Variants in EXO1 observed in about 807,000 individuals in gnomAD.
EXO1 encodes the protein exonuclease 1.
EXO1 carries 69 observed loss-of-function variants against 84.5 expected under a neutral mutation model. That is an observed-to-expected ratio of 0.82 (90% CI 0.67 to 1.00). The LOEUF (loss-of-function observed/expected upper bound fraction) is 1.00, where lower values mean the gene tolerates loss of function less well. Among genes scored for constraint, EXO1 ranks in the 50% least tolerant of loss-of-function variants. The probability of loss-of-function intolerance (pLI) is 0.00; values close to 1 mark genes in which losing one functional copy is unlikely to be tolerated. For missense variants in EXO1, 1,045 were observed against 1,000.7 expected, an observed-to-expected ratio of 1.04 and a Z score of -0.60; for synonymous variants, 373 against 366.1, an observed-to-expected ratio of 1.02 and a Z score of -0.21.
At chr1:241,855,513 G>T (rs1558123548) in intron 6 of EXO1, among the ~76,000 whole-genome samples, 1 of 152,234 alleles carries the variant, frequency 6.6e-6, no homozygotes, top group South Asian at 2.1e-4. Context: ...AGCCCAGCTG[G>T]CTTCACCCAG....
rs369374399 is a variant in EXO1 at position 241,857,336 on chromosome 1, C to G, written c.406-9C>G. On this transcript the variant is annotated splice_polypyrimidine_tract_variant and intron_variant, in intron 6 of 15. Transcript: ENST00000366548. ...CGTGCTAGAGATTCACTGTGATTCT[C>G]TCTTCTAGGCTGCCCGGTCTCAGGG... 2.0e-5 allele frequency: 32 copies of G among 1,611,686 alleles called. No homozygotes were observed. Among genetic ancestry groups the G allele is most frequent in the Non-Finnish European group, 2.5e-5 (29 of 1,178,720 alleles).
At chr1:241,862,667 T>A (rs4149934) in intron 10 of EXO1, among the ~76,000 whole-genome samples, 11,881 of 152,328 alleles carry the variant, frequency 0.078, 727 homozygotes, top group Admixed American at 0.19. Context: ...TGATCCTCAC[T>A]GCTGTATGAT....
chr1:241,889,232 C>T (rs1663243463), intron 15 of EXO1, among the ~76,000 whole-genome samples: 1 of 152,038 alleles, frequency 6.6e-6, no homozygotes, highest in South Asian at 2.1e-4. Context: ...GGTGGCCCAG[C>T]ACCTACACTG....
chr1:241,885,545 C>T, intron 15 of EXO1, 38 bp downstream of exon 15: 7 of 1,439,948 alleles, frequency 4.9e-6, no homozygotes, highest in Non-Finnish European at 6.8e-6. Context: ...ACAAGATAAA[C>T]TGTTATTTTC....
chr1:241,882,028 T>C lies in EXO1; in HGVS notation c.2211+11T>C, dbSNP rs200644798. 8.2e-6 allele frequency: 11 copies of C among 1,336,384 alleles called. No individual in the cohort carries two copies. The East Asian group carries it at 2.5e-4, about 31-fold the overall frequency. The allele number at this position is 1,336,384 out of a possible 1,614,324, so 82.8% of individuals were successfully genotyped here. On this transcript the variant is annotated intron_variant, in intron 14 of 15. Transcript: ENST00000366548. ...CCTCTAAGGAACAAGGTAAAACATT[T>C]ATTTAATTTTTTTTTTAATTTCAGA...
intron 15 of EXO1, among the ~76,000 whole-genome samples, chr1:241,887,296 CCA>C: frequency 6.6e-6 from 1 of 152,094 alleles, no homozygotes; most frequent in East Asian, 1.9e-4. Context: ...GCCACCAGCC[CCA>C]GTTAATTATT....
rs764663715 is a variant in EXO1 at position 241,857,352 on chromosome 1, G to A, written c.413G>A (p.Arg138Gln). 2.5e-6 allele frequency: 4 copies of A among 1,613,316 alleles called. No homozygotes were observed. The Admixed American group carries it at 5.0e-5, about 20-fold the overall frequency. The change falls in exon 7 of 16, where the codon CGG (arginine) becomes CAG (glutamine). Residue 138 changes from arginine to glutamine, a missense_variant. Arg to Gln is a conservative substitution (Grantham distance 43). Coordinates refer to ENST00000366548, the MANE Select transcript of EXO1 (RefSeq NM_130398.4). Reference protein sequence around the residue: ...AMAHKVIKAARSQGVDCLVAP... With the variant: ...AMAHKVIKAAQSQGVDCLVAP... Reference sequence around the variant, plus strand: ...TGTGATTCTCTCTTCTAGGCTGCCCGGTCTCAGGGGGTAGATTGCCTCGTG... The same window carrying A: ...TGTGATTCTCTCTTCTAGGCTGCCCAGTCTCAGGGGGTAGATTGCCTCGTG...
chr1:241,854,893 T>C (rs1157750724), intron 6 of EXO1: 1 of 153,410 alleles, frequency 6.5e-6, no homozygotes, highest in Non-Finnish European at 1.4e-5. Flanking sequence ...GGCTCAGAAG[T>C]GAAGCTGCAG....
chr1:241,853,414 C>G lies in EXO1; in HGVS notation c.338C>G (p.Ser113Trp), dbSNP rs373710484. The change falls in exon 6 of 16, where the codon TCG becomes TGG. Residue 113 changes from serine (S) to tryptophan (W), a missense_variant. Physicochemically the swap from Ser to Trp is radical, Grantham distance 177. Coordinates refer to ENST00000366548, the MANE Select transcript of EXO1 (RefSeq NM_130398.4). ...CAACTTCTTCGTGAGGGGAAAGTCT[C>G]GGAAGCTCGAGAGTGTTTCACCCGG... ...GKQLLREGKV[S>W]EARECFTRSI... 1.2e-6 allele frequency: 2 copies of G among 1,613,694 alleles called. No individual in the cohort carries two copies. The highest frequency in any genetic ancestry group is 2.7e-5 in the African/African-American group (2 of 74,860).
intron 10 of EXO1, among the ~76,000 whole-genome samples, chr1:241,863,165 T>C (rs1661496744): frequency 6.6e-6 from 1 of 152,198 alleles, no homozygotes; most frequent in Non-Finnish European, 1.5e-5. Flanking sequence ...GGTGCTCTTT[T>C]AAGCACCTTA....
At chr1:241,878,216 A>G (rs1007191721) in intron 12 of EXO1, among the ~76,000 whole-genome samples, 1 of 152,214 alleles carries the variant, frequency 6.6e-6, no homozygotes, top group East Asian at 1.9e-4. Flanking sequence ...AGTCCTCTCT[A>G]GGCCGGGCGC....
intron 14 of EXO1, among the ~76,000 whole-genome samples, chr1:241,885,023 C>T (rs945115948): frequency 3.3e-5 from 5 of 151,750 alleles, no homozygotes; most frequent in South Asian, 2.1e-4. Context: ...CTGGCTAAAA[C>T]GGTGAAACGC....
intron 12 of EXO1, among the ~76,000 whole-genome samples, chr1:241,876,981 C>T (rs1171617215): frequency 6.6e-6 from 1 of 152,158 alleles, no homozygotes; most frequent in East Asian, 1.9e-4. Context: ...ATAGAAACTG[C>T]GTGTCAAGCA....
At position 241,878,796 on chromosome 1, in the gene EXO1, G is replaced by T. The variant is rs1197971900; in HGVS notation, c.1562G>T (p.Ser521Ile). 1.2e-6 allele frequency: 2 copies of T among 1,613,506 alleles called. No individual in the cohort carries two copies. Among genetic ancestry groups the T allele is most frequent in the Non-Finnish European group, 1.7e-6 (2 of 1,179,702 alleles). The change falls in exon 13 of 16, where the codon AGC (serine) becomes ATC (isoleucine). Residue 521 changes from serine (S) to isoleucine (I), a missense_variant. Coordinates refer to ENST00000366548, the MANE Select transcript of EXO1 (RefSeq NM_130398.4). ...DSTDCVSNKV[S>I]IQPLDETAVT... is the part of the protein sequence containing the mutation. ...ACTGACTGTGTATCAAACAAAGTGA[G>T]CATCCAGCCTCTGGATGAAACTGCT...
At position 241,872,067 on chromosome 1, in the gene EXO1, T is replaced by A; in HGVS notation, c.1303T>A (p.Ser435Thr). Residue 435 changes from serine (S) to threonine (T), a missense_variant, in exon 12 of 16, where the codon TCT becomes ACT. By Grantham distance (58) the Ser-to-Thr change is moderately conservative. Transcript: ENST00000366548. ...AGAAGATGACCTGTTGAGTCAGTAT[T>A]CTCTTTCATTTACGAAGAAGACCAA... Reference protein sequence around the residue: ...LSEDDLLSQYSLSFTKKTKKN... With the variant: ...LSEDDLLSQYTLSFTKKTKKN... 1 of 1,613,468 alleles carries A rather than the reference T, an allele frequency of 6.2e-7. No individual in the cohort carries two copies. The highest frequency in any genetic ancestry group is 8.5e-7 in the Non-Finnish European group (1 of 1,179,458).
In EXO1 at chr1:241,885,294, A is replaced by C; in HGVS notation, c.2212-20A>C. On this transcript the variant is annotated intron_variant, in intron 14 of 15. Coordinates refer to ENST00000366548, the MANE Select transcript of EXO1 (RefSeq NM_130398.4). ...AGTTGCTTTAACAGAATGGTCTTAA[A>C]ATGGGTGTTTAATCTTCAGGTTCCT... 6.3e-7 allele frequency: 1 copy of C among 1,590,834 alleles called. No individual in the cohort carries two copies. Among genetic ancestry groups the C allele is most frequent in the South Asian group, 1.1e-5 (1 of 90,420 alleles).
chr1:241,885,837 GT>G (rs1010924224), intron 15 of EXO1, among the ~76,000 whole-genome samples: 1 of 5,620 alleles, frequency 1.8e-4, no homozygotes, highest in Admixed American at 4.2e-3. Context: ...ATTTTATTTG[GT>G]TTTTTGTTTT....
intron 12 of EXO1, among the ~76,000 whole-genome samples, chr1:241,876,659 T>A (rs779288542): frequency 2.0e-5 from 3 of 152,226 alleles, no homozygotes; most frequent in Non-Finnish European, 4.4e-5. Flanking sequence ...ATTTTACATG[T>A]TTTTCTATTT....
intron 5 of EXO1, 141 bp from the exon 6 acceptor site, chr1:241,853,216 TC>T: frequency 1.2e-6 from 1 of 800,826 alleles, no homozygotes; most frequent in Non-Finnish European, 2.1e-6. Flanking sequence ...GGGTTAATGT[TC>T]TCAAGGGCCT....
Sources: gnomAD v4.1 joint callset for allele counts (sites outside exome capture counted in the v4.1 genomes callset) on GRCh38, gnomAD v4.1.1 for gene constraint, MANE v1.5 for transcripts, NCBI Gene and HGNC (gene_info 2026-07-23, HGNC 2026-07-21) for gene names.